The following NOVA1 variants were observed in gnomAD, a reference collection of about 807,000 sequenced individuals.
NOVA1 encodes NOVA alternative splicing regulator 1.
Under a neutral mutation model 38.0 loss-of-function variants are expected in NOVA1, and 7 were observed. The observed-to-expected ratio is 0.18, with a 90% confidence interval of 0.10 to 0.35. NOVA1 has a LOEUF of 0.35. NOVA1 is among the 10% of genes least tolerant of loss of function. The probability of loss-of-function intolerance (pLI) is 1.00; values close to 1 mark genes in which losing one functional copy is unlikely to be tolerated. For synonymous variants in NOVA1, 270 were observed against 232.5 expected, an observed-to-expected ratio of 1.16 and a Z score of -1.47; for missense variants, 460 against 616.0, an observed-to-expected ratio of 0.75 and a Z score of 2.68.
chr14:26,588,771 G>A (rs1439192291), intron 2 of NOVA1, among the ~76,000 whole-genome samples: 1 of 151,358 alleles, frequency 6.6e-6, no homozygotes, highest in Non-Finnish European at 1.5e-5. Context: ...TGTCAAAAGA[G>A]AATAAAATAA....
In NOVA1 at chr14:26,595,455, T is replaced by C. The variant is rs1218122666; in HGVS notation, c.235A>G (p.Thr79Ala). Residue 79 changes from threonine (T) to alanine (A), a missense_variant, in exon 2 of 5, where the codon ACT becomes GCT. Transcript: ENST00000539517. ...GQTIVQLQKETGATIKLSKSK... is the reference protein window; with the variant it reads ...GQTIVQLQKEAGATIKLSKSK... ...TTAGACAGCTTGATGGTGGCTCCAG[T>C]TTCTTTTTGCAACTGAACAATTGTC... 1.9e-6 allele frequency: 3 copies of C among 1,613,974 alleles called. No homozygotes were observed. The East Asian group carries it at 6.7e-5, about 36-fold the overall frequency.
At chr14:26,511,699 C>T (rs1888105133) in intron 2 of NOVA1, among the ~76,000 whole-genome samples, 1 of 151,830 alleles carries the variant, frequency 6.6e-6, no homozygotes, top group African/African-American at 2.4e-5. Context: ...TTGCACTAAG[C>T]CGAGATAGCG....
intron 2 of NOVA1, among the ~76,000 whole-genome samples, chr14:26,579,047 G>A (rs1893040761): frequency 1.5e-5 from 2 of 131,272 alleles, no homozygotes; most frequent in South Asian, 5.1e-4. Context: ...CATAGCAGGT[G>A]GTATTCTTTT....
chr14:26,524,365 T>C (rs1889143952), intron 2 of NOVA1, among the ~76,000 whole-genome samples: 1 of 152,158 alleles, frequency 6.6e-6, no homozygotes, highest in African/African-American at 2.4e-5. Flanking sequence ...TATTTGTGGA[T>C]GCAGGCAAAA....
chr14:26,588,027 G>A (rs1223137493), intron 2 of NOVA1, among the ~76,000 whole-genome samples: 1 of 150,972 alleles, frequency 6.6e-6, no homozygotes, highest in African/African-American at 2.4e-5. Context: ...AAGAAATGCA[G>A]GATTTGAAAT....
At chr14:26,453,456 T>C (rs909019342) in intron 4 of NOVA1, among the ~76,000 whole-genome samples, 28 of 151,986 alleles carry the variant, frequency 1.8e-4, no homozygotes, top group African/African-American at 6.5e-4. Context: ...CAAAAAAAGA[T>C]AAGATTAACA....
At chr14:26,580,814 G>GA (rs1893168630) in intron 2 of NOVA1, among the ~76,000 whole-genome samples, 1 of 151,774 alleles carries the variant, frequency 6.6e-6, no homozygotes, top group African/African-American at 2.4e-5. Context: ...CAACAATTAT[G>GA]AAAAAAACAC....
At position 26,444,579 on chromosome 14, in the gene NOVA1, G is replaced by T. The variant is rs936116094; in HGVS notation, c.*3380C>A. 5 of 152,122 alleles carry T rather than the reference G, an allele frequency of 3.3e-5. No homozygotes were observed. The highest frequency in any genetic ancestry group is 1.2e-4 in the African/African-American group (5 of 41,434). 9.4% of individuals were successfully genotyped at this position (152,122 alleles called of 1,614,324 possible). On this transcript the variant is annotated 3_prime_UTR_variant, in exon 5 of 5. Coordinates refer to ENST00000539517, the MANE Select transcript of NOVA1 (RefSeq NM_002515.3). ...TCTATTGTAAGCAATGAGTCGAAAT[G>T]AGCCGTTACAGGTTAGAATTTATCT... is the stretch of plus-strand genomic sequence containing the variant.
Position 26,448,128 on chromosome 14 carries a change from C to G in NOVA1, c.1355G>C (p.Gly452Ala). The G allele has an allele frequency of 1.2e-6, 2 of 1,614,124 alleles. No individual in the cohort carries two copies. The highest frequency in any genetic ancestry group is 1.7e-6 in the Non-Finnish European group (2 of 1,180,014). ...KTLVEYQELT[G>A]ARIQISKKGE... ...TTTTTTGGAGATCTGTATCCTTGCA[C>G]CAGTCAACTCCTGGTATTCCACTAA... The change falls in exon 5 of 5, where the codon GGT becomes GCT. Residue 452 changes from glycine (G) to alanine (A), a missense_variant. Gly to Ala is a moderately conservative substitution (Grantham distance 60). Coordinates refer to ENST00000539517, the MANE Select transcript of NOVA1 (RefSeq NM_002515.3). The surrounding 1 kb of genome is among the most constrained non-coding windows in gnomAD (Gnocchi z 5.3).
intron 2 of NOVA1, among the ~76,000 whole-genome samples, chr14:26,506,446 A>C (rs1291580000): frequency 6.6e-6 from 1 of 152,228 alleles, no homozygotes; most frequent in East Asian, 1.9e-4. Flanking sequence ...TAGTCAAAGT[A>C]AGGCCACATT....
intron 2 of NOVA1, among the ~76,000 whole-genome samples, chr14:26,589,333 T>A (rs1449070467): frequency 6.6e-6 from 1 of 151,694 alleles, no homozygotes; most frequent in Non-Finnish European, 1.5e-5. Flanking sequence ...AGACGCATAC[T>A]CAAAGTCAAT....
Position 26,597,685 on chromosome 14 carries a change from G to A in NOVA1, c.-249C>T, listed in dbSNP as rs1431540987. On this transcript the variant is annotated 5_prime_UTR_variant, in exon 1 of 5. Coordinates refer to ENST00000539517, the MANE Select transcript of NOVA1 (RefSeq NM_002515.3). ...TCAGAAAGGAGACAGGGGAATGGAG[G>A]GGGTGTGAGAGACGGAGGGTGAAAG... The A allele has an allele frequency of 1.7e-6, 2 of 1,179,198 alleles. No individual in the cohort carries two copies. Among genetic ancestry groups the A allele is most frequent in the Non-Finnish European group, 2.1e-6 (2 of 957,170 alleles). 73.0% of individuals were successfully genotyped at this position (1,179,198 alleles called of 1,614,324 possible).
intron 2 of NOVA1, among the ~76,000 whole-genome samples, chr14:26,489,459 C>T (rs1307766722): frequency 1.3e-5 from 2 of 151,234 alleles, no homozygotes; most frequent in Non-Finnish European, 2.9e-5. Context: ...AGACTATAGT[C>T]GGAAAAACAA....
chr14:26,479,877 TTAAAA>T (rs1173121557), intron 3 of NOVA1, 95 bp downstream of exon 3: 1 of 1,322,250 alleles, frequency 7.6e-7, no homozygotes, highest in South Asian at 1.4e-5. Flanking sequence ...TTATGTGTGC[TTAAAA>T]TAAAAGTTTT....
intron 2 of NOVA1, among the ~76,000 whole-genome samples, chr14:26,560,096 A>C (rs1260045814): frequency 1.3e-5 from 2 of 152,100 alleles, no homozygotes; most frequent in Admixed American, 1.3e-4. Flanking sequence ...GACAGATCAC[A>C]CACCAAACTG....
At chr14:26,456,410 T>A (rs1883180937) in intron 4 of NOVA1, among the ~76,000 whole-genome samples, 1 of 151,908 alleles carries the variant, frequency 6.6e-6, no homozygotes, top group Non-Finnish European at 1.5e-5. Flanking sequence ...ACAAATTGTA[T>A]TTAAAGTCAC....
intron 2 of NOVA1, among the ~76,000 whole-genome samples, chr14:26,595,005 C>T (rs1894094892): frequency 6.6e-6 from 1 of 152,054 alleles, no homozygotes; most frequent in South Asian, 2.1e-4. Flanking sequence ...GTAAATGGTC[C>T]ATTCTTTAAG....
intron 4 of NOVA1, among the ~76,000 whole-genome samples, chr14:26,471,005 T>A (rs969364995): frequency 1.3e-5 from 2 of 152,110 alleles, no homozygotes; most frequent in African/African-American, 4.8e-5. Flanking sequence ...TTAAACTTCA[T>A]GCATTTGTAA....
At position 26,597,349 on chromosome 14, in the gene NOVA1, G is replaced by A; in HGVS notation, c.88C>T (p.Leu30=). 7.9e-7 allele frequency: 1 copy of A among 1,268,536 alleles called. No individual in the cohort carries two copies. The highest frequency in any genetic ancestry group is 1.0e-6 in the Non-Finnish European group (1 of 999,064). The allele number at this position is 1,268,536 out of a possible 1,614,324, so 78.6% of individuals were successfully genotyped here. A position where few individuals can be genotyped will look rare whatever the true frequency, so the allele number is the denominator to read the frequency against. ...LDPPDSRKRP[L]EAPPEAGSTK... ...CTGCCGGCTTCAGGGGGGGCTTCCA[G>A]CGGCCTTTTCCGCGAGTCCGGCGGG... Residue 30 remains leucine, a synonymous_variant, in exon 1 of 5, where the codon CTG becomes TTG. Coordinates refer to ENST00000539517, the MANE Select transcript of NOVA1 (RefSeq NM_002515.3).
Sources: gnomAD v4.1 joint callset for allele counts (sites outside exome capture counted in the v4.1 genomes callset) on GRCh38, gnomAD v4.1.1 for gene constraint, Gnocchi (gnomAD v3.1) non-coding constraint, MANE v1.5 for transcripts, NCBI Gene and HGNC (gene_info 2026-07-23, HGNC 2026-07-21) for gene names.